PITPNM1: variants seen among roughly 807,000 people sequenced by gnomAD.
PITPNM1 encodes the protein phosphatidylinositol transfer protein membrane associated 1, also known as membrane-associated phosphatidylinositol transfer protein 1.
A neutral mutation model predicts 133.3 loss-of-function variants in PITPNM1; 74 were observed. The observed-to-expected ratio is 0.56, with a 90% CI of 0.46 to 0.67. The LOEUF (loss-of-function observed/expected upper bound fraction) is 0.67, where lower values mean the gene tolerates loss of function less well. PITPNM1 is among the 30% of genes least tolerant of loss of function. The pLI, the probability that PITPNM1 is intolerant of heterozygous loss-of-function variation, is 0.00. For missense variants in PITPNM1, 1,398 were observed against 1,739.5 expected (o/e 0.80, Z 3.49); for synonymous variants, 738 against 741.4 (o/e 1.00, Z 0.08).
In PITPNM1 at chr11:67,498,663, C is replaced by T. The variant is rs759426676; in HGVS notation, c.1417G>A (p.Gly473Ser). 5.0e-6 allele frequency: 8 copies of T among 1,601,396 alleles called. No individual in the cohort carries two copies. The Admixed American group carries it at 1.3e-4, about 27-fold the overall frequency. ...GGCACCAGTCGCAGCGCCACGTGGC[C>T]CAAGGCCTCAGGGAAGTGGATGCGG... Reference protein sequence around the residue: ...VTRIHFPEALGHVALRLVPCP... With the variant: ...VTRIHFPEALSHVALRLVPCP... The change falls in exon 10 of 24, where the codon GGC (glycine) becomes AGC (serine). Residue 473 changes from glycine (G) to serine (S), a missense_variant. Gly to Ser is a moderately conservative substitution (Grantham distance 56). This residue lies in a region of PITPNM1 where 574 missense variants were observed against 698.7 expected (regional missense o/e 0.82). Transcript: ENST00000356404. The surrounding 1 kb of genome is among the most constrained non-coding windows in gnomAD (Gnocchi z 5.7).
chr11:67,502,615 T>TTGTG lies in PITPNM1; in HGVS notation c.178_181dup (p.Lys61ThrfsTer51). On this transcript the variant is annotated frameshift_variant, in exon 3 of 24. Coordinates refer to ENST00000356404, the MANE Select transcript of PITPNM1 (RefSeq NM_004910.3). LOFTEE classifies it high-confidence loss of function. This position sits in a 1 kb window ranked among gnomAD's most constrained non-coding sequence, Gnocchi z 5.9. ...GATGTGGGAGCCCACGTGGTACACC[T>TTGTG]TGTGTGTGTATTGCCCGCTGCCCCC... 1 of 1,613,556 alleles carries TTGTG rather than the reference T, an allele frequency of 6.2e-7. No homozygotes were observed. The highest frequency in any genetic ancestry group is 8.5e-7 in the Non-Finnish European group (1 of 1,180,006).
Position 67,494,295 on chromosome 11 carries a change from G to A in PITPNM1, c.2808C>T (p.Ser936=), listed in dbSNP as rs756646211. The A allele has an allele frequency of 3.7e-6, 6 of 1,612,406 alleles. No individual in the cohort carries two copies. Among genetic ancestry groups the A allele is most frequent in the South Asian group, 1.1e-5 (1 of 91,058 alleles). The stretch of plus-strand genomic sequence containing the variant: ...CCAGGGGCCCGTACATGAAGCGCCC[G>A]CTTAGCACCTGGGGGCGGCCCTCGC... ...VVCEGRPQVL[S]GRFMYGPLDV... is the part of the protein sequence containing the mutation. Residue 936 remains serine, a synonymous_variant, in exon 19 of 24, where the codon AGC becomes AGT. Transcript: ENST00000356404.
Position 67,491,856 on chromosome 11 carries a change from C to T in PITPNM1, c.*177G>A, listed in dbSNP as rs1052020. 1.2e-5 allele frequency: 8 copies of T among 679,146 alleles called. No individual in the cohort carries two copies. Among genetic ancestry groups the T allele is most frequent in the South Asian group, 3.9e-5 (2 of 51,206 alleles). 42.1% of individuals were successfully genotyped at this position (679,146 alleles called of 1,614,324 possible). A position where few individuals can be genotyped will look rare whatever the true frequency, so the allele number is the denominator to read the frequency against. On this transcript the variant is annotated 3_prime_UTR_variant, in exon 24 of 24. Coordinates refer to ENST00000356404, the MANE Select transcript of PITPNM1 (RefSeq NM_004910.3). ...CCCACGCCCTCCTCCCTCCCCCCGGCGCTGGGTCCCCTCATATGAAAGGGA... is the reference window on the plus strand; with the variant it reads ...CCCACGCCCTCCTCCCTCCCCCCGGTGCTGGGTCCCCTCATATGAAAGGGA...
chr11:67,495,255 G>T lies in PITPNM1; in HGVS notation c.2483-30C>A, dbSNP rs1185384519. ...GCGGCCATGGCAGCGAGTCAGGATG[G>T]CCTCCTGCCCCACACCCATCTGCCT... On this transcript the variant is annotated intron_variant, in intron 16 of 23. Transcript: ENST00000356404. The T allele has an allele frequency of 1.3e-5, 20 of 1,556,014 alleles. No homozygotes were observed. The South Asian group carries it at 2.1e-4, about 17-fold the overall frequency.
Position 67,494,830 on chromosome 11 carries a change from G to C in PITPNM1, c.2742+16C>G, listed in dbSNP as rs370426164. ...AGTGGGCGAGTGGGCGAGGGGGCGA[G>C]GGGCAGGGCACCTACCCGGATCTTG... On this transcript the variant is annotated intron_variant, in intron 18 of 23. Transcript: ENST00000356404. The C allele has an allele frequency of 1.5e-4, 241 of 1,582,654 alleles. No homozygotes were observed. The African/African-American group carries it at 2.9e-3, about 19-fold the overall frequency.
chr11:67,499,711 C>G lies in PITPNM1; in HGVS notation c.1171+12G>C, dbSNP rs766058979. ...GGGTGCTGGGGGCCGGTGTCCTAGG[C>G]GGTATCTTTACCTGGCGTTCCCTCT... On this transcript the variant is annotated intron_variant, in intron 8 of 23. Coordinates refer to ENST00000356404, the MANE Select transcript of PITPNM1 (RefSeq NM_004910.3). The G allele has an allele frequency of 2.1e-6, 3 of 1,441,740 alleles. No homozygotes were observed. The highest frequency in any genetic ancestry group is 2.8e-6 in the Non-Finnish European group (3 of 1,070,000). 89.3% of individuals were successfully genotyped at this position (1,441,740 alleles called of 1,614,324 possible). A position where few individuals can be genotyped will look rare whatever the true frequency, so the allele number is the denominator to read the frequency against.
chr11:67,499,343 C>T (rs1035842440), intron 8 of PITPNM1, among the ~76,000 whole-genome samples: 1 of 151,792 alleles, frequency 6.6e-6, no homozygotes, highest in Non-Finnish European at 1.5e-5. Flanking sequence ...CTCAGTCACA[C>T]TAACCCCATT....
In PITPNM1 at chr11:67,492,985, G is replaced by C; in HGVS notation, c.3420C>G (p.Ser1140Arg). The change falls in exon 23 of 24, where the codon AGC (serine) becomes AGG (arginine). Residue 1140 changes from serine to arginine, a missense_variant. Transcript: ENST00000356404. ...AVYAALGLSP[S>R]QTYIVGRAVR... ...CGGCACGGCCCACGATGTAGGTCTG[G>C]CTCGGGGACAGCCCCAGCGCCGCGT... 6.2e-7 allele frequency: 1 copy of C among 1,613,010 alleles called. No homozygotes were observed. The highest frequency in any genetic ancestry group is 1.3e-5 in the African/African-American group (1 of 75,074).
intron 2 of PITPNM1, chr11:67,503,880 A>T: frequency 4.6e-6 from 2 of 434,362 alleles, no homozygotes; most frequent in Non-Finnish European, 8.3e-6. Flanking sequence ...ACAGATCCTG[A>T]GGAGGATTAC....
intron 5 of PITPNM1, among the ~76,000 whole-genome samples, chr11:67,501,647 G>C (rs1866323642): frequency 6.6e-6 from 1 of 152,214 alleles, no homozygotes; most frequent in African/African-American, 2.4e-5. Context: ...CTGAATGTCA[G>C]AGCCAGTATG....
At position 67,495,615 on chromosome 11, in the gene PITPNM1, G is replaced by GGGCAAGGTCAGCAGGGGCC; in HGVS notation, c.2318-32_2318-14dup. 6 of 1,557,332 alleles carry GGGCAAGGTCAGCAGGGGCC rather than the reference G, an allele frequency of 3.9e-6. No individual in the cohort carries two copies. Among genetic ancestry groups the GGGCAAGGTCAGCAGGGGCC allele is most frequent in the Non-Finnish European group, 4.3e-6 (5 of 1,157,730 alleles). ...TGCAGAGTGTCGGCTGGGGGAAGGA[G>GGGCAAGGTCAGCAGGGGCC]GGCAAGGTCAGCAGGGGCCGGCCAG... is the stretch of plus-strand genomic sequence containing the variant. On this transcript the variant is annotated splice_polypyrimidine_tract_variant and intron_variant, in intron 15 of 23. Coordinates refer to ENST00000356404, the MANE Select transcript of PITPNM1 (RefSeq NM_004910.3).
In PITPNM1 at chr11:67,495,423, G is replaced by C. The variant is rs776196380; in HGVS notation, c.2482+15C>G. On this transcript the variant is annotated intron_variant, in intron 16 of 23. Transcript: ENST00000356404. ...CCCCACCCCCAGGCTGGACTGCCTA[G>C]GCTGGCTGACTTACTCTTAACCACC... is the stretch of plus-strand genomic sequence containing the variant. The C allele has an allele frequency of 9.4e-6, 14 of 1,490,854 alleles. No individual in the cohort carries two copies. The South Asian group carries it at 1.9e-4, about 20-fold the overall frequency. The allele number at this position is 1,490,854 out of a possible 1,614,324, so 92.4% of individuals were successfully genotyped here. A position where few individuals can be genotyped will look rare whatever the true frequency, so the allele number is the denominator to read the frequency against.
chr11:67,502,318 C>T lies in PITPNM1; in HGVS notation c.389G>A (p.Gly130Glu). 4 of 1,613,546 alleles carry T rather than the reference C, an allele frequency of 2.5e-6. No homozygotes were observed. Among genetic ancestry groups the T allele is most frequent in the Non-Finnish European group, 3.4e-6 (4 of 1,180,024 alleles). Reference sequence around the variant, plus strand: ...CAGGATGCGCTGTCTCCTCTCGGCCCCGCTCAGGTTGAAGACGTTTGGCTG... The same window carrying T: ...CAGGATGCGCTGTCTCCTCTCGGCCTCGCTCAGGTTGAAGACGTTTGGCTG... ...GQQPNVFNLS[G>E]AERRQRILDT... Residue 130 changes from glycine (G) to glutamate (E), a missense_variant, in exon 4 of 24, where the codon GGG becomes GAG. Physicochemically the swap from Gly to Glu is moderately conservative, Grantham distance 98 (BLOSUM62 -2). Coordinates refer to ENST00000356404, the MANE Select transcript of PITPNM1 (RefSeq NM_004910.3). The surrounding 1 kb of genome is among the most constrained non-coding windows in gnomAD (Gnocchi z 5.9).
intron 23 of PITPNM1, 31 bp downstream of exon 23, chr11:67,492,903 G>T: frequency 6.2e-7 from 1 of 1,604,958 alleles, no homozygotes; most frequent in South Asian, 1.1e-5. Flanking sequence ...CCCTGGTGGG[G>T]TCCTGTTCCT....
At chr11:67,495,404 C>T (rs746512028) in intron 16 of PITPNM1, 34 bp downstream of exon 16, 64 of 1,467,928 alleles carry the variant, frequency 4.4e-5, no homozygotes, top group Middle Eastern at 2.0e-4. Flanking sequence ...CCTCCCCCAC[C>T]CCCAGGCTGG....
chr11:67,495,651 T>A, intron 15 of PITPNM1, 49 bp from the exon 16 acceptor site: 1 of 1,488,656 alleles, frequency 6.7e-7, no homozygotes, highest in Non-Finnish European at 8.9e-7. Flanking sequence ...GTGGCTCTCC[T>A]GTCTTCTCAC....
chr11:67,492,038 C>A lies in PITPNM1; in HGVS notation c.3730G>T (p.Glu1244Ter). 6.2e-7 allele frequency: 1 copy of A among 1,612,052 alleles called. No homozygotes were observed. Among genetic ancestry groups the A allele is most frequent in the Non-Finnish European group, 8.5e-7 (1 of 1,179,594 alleles). ...RSISLKLDSE[E>*] ...GGTCCAGGCTGGTGTGGGCCTCACT[C>A]CTCGCTGTCCAGCTTCAGGCTGATG... Residue 1244 changes from glutamate (E) to a stop codon, truncating the protein, a stop_gained, in exon 24 of 24, where the codon GAG (glutamate) becomes TAG (stop). Transcript: ENST00000356404. LOFTEE classifies it high-confidence loss of function.
chr11:67,494,089 G>A lies in PITPNM1; in HGVS notation c.2860-19C>T, dbSNP rs777957499. The A allele has an allele frequency of 1.9e-6, 3 of 1,600,596 alleles. No individual in the cohort carries two copies. The highest frequency in any genetic ancestry group is 2.2e-5 in the South Asian group (2 of 89,626). On this transcript the variant is annotated intron_variant, in intron 19 of 23. Transcript: ENST00000356404. ...CATCCACCTGGAGGGGAGAAGGGGC[G>A]GGAGGTAAATGGGGGCCCTGCGTGG...
intron 23 of PITPNM1, 52 bp from the exon 24 acceptor site, chr11:67,492,348 G>A (rs1246817623): frequency 7.4e-6 from 11 of 1,489,102 alleles, no homozygotes; most frequent in African/African-American, 1.4e-5. Context: ...GGGCCCACAC[G>A]CTGCCCTCCA....
Sources: gnomAD v4.1 joint callset for allele counts (sites outside exome capture counted in the v4.1 genomes callset) on GRCh38, gnomAD v4.1.1 for gene constraint, gnomAD v4.1.1 regional missense constraint, Gnocchi (gnomAD v3.1) non-coding constraint, MANE v1.5 for transcripts, NCBI Gene and HGNC (gene_info 2026-07-23, HGNC 2026-07-21) for gene names.